The following KLF12 variants were observed in gnomAD, a reference collection of about 807,000 sequenced individuals.
The protein encoded by KLF12 is KLF transcription factor 12.
A neutral mutation model predicts 37.8 loss-of-function variants in KLF12; 9 were observed. The ratio of observed to expected loss-of-function variants is 0.24; its 90% CI spans 0.14 to 0.42. The LOEUF (loss-of-function observed/expected upper bound fraction) is 0.42, where lower values mean the gene tolerates loss of function less well. KLF12 is among the 10% of genes least tolerant of loss of function. The pLI is 1.00. For missense variants in KLF12, 411 were observed against 516.0 expected (o/e 0.80, Z 1.97); for synonymous variants, 208 against 202.1 (o/e 1.03, Z -0.25).
intron 1 of KLF12, among the ~76,000 whole-genome samples, chr13:74,058,139 G>A (rs371658707): frequency 1.3e-5 from 2 of 151,038 alleles, no homozygotes; most frequent in African/African-American, 4.9e-5. Flanking sequence ...GCTAATTTTT[G>A]TATTTTTAGT....
chr13:73,909,509 G>A (rs1159983781), intron 3 of KLF12, among the ~76,000 whole-genome samples: 1 of 152,076 alleles, frequency 6.6e-6, no homozygotes, highest in East Asian at 1.9e-4. Flanking sequence ...TTACTTCAAT[G>A]ATGCTTAATA....
chr13:73,886,992 CA>C (rs35604161), intron 3 of KLF12, among the ~76,000 whole-genome samples: 88,686 of 126,984 alleles, frequency 0.7, 29,819 homozygotes, highest in East Asian at 0.88. Flanking sequence ...AAATCCGTCT[CA>C]AAAAAAAAAA....
At chr13:74,112,769 C>G (rs1366143367) in intron 1 of KLF12, among the ~76,000 whole-genome samples, 1 of 152,042 alleles carries the variant, frequency 6.6e-6, no homozygotes, top group East Asian at 1.9e-4. Context: ...TCTAAGTGTT[C>G]AAGTAAAAGA....
the KLF12 span, among the ~76,000 whole-genome samples, chr13:74,195,144 G>A: frequency 6.6e-6 from 1 of 152,018 alleles, no homozygotes; most frequent in Non-Finnish European, 1.5e-5. Context: ...TTTATTGGCA[G>A]GAATATCTCA....
At chr13:74,243,874 G>C in the KLF12 span, among the ~76,000 whole-genome samples, 2 of 152,300 alleles carry the variant, frequency 1.3e-5, no homozygotes, top group African/African-American at 2.4e-5. Flanking sequence ...AGGCAATGTG[G>C]AGGAGGCCCG....
At chr13:73,783,241 A>G (rs1466315831) in intron 5 of KLF12, among the ~76,000 whole-genome samples, 1 of 152,018 alleles carries the variant, frequency 6.6e-6, no homozygotes, top group Non-Finnish European at 1.5e-5. Context: ...GACAAACATC[A>G]CATGTTCTCA....
intron 6 of KLF12, among the ~76,000 whole-genome samples, chr13:73,723,724 T>C (rs901788480): frequency 2.0e-5 from 3 of 152,104 alleles, no homozygotes; most frequent in African/African-American, 4.8e-5. Context: ...TTGACTACAG[T>C]TAAACTTTAA....
intron 4 of KLF12, among the ~76,000 whole-genome samples, chr13:73,828,691 C>T (rs1462957180): frequency 6.6e-6 from 1 of 152,184 alleles, no homozygotes; most frequent in Admixed American, 6.5e-5. Flanking sequence ...ATCCCATCTA[C>T]TTCCAAGTTT....
At chr13:73,754,111 T>C (rs749372469) in intron 6 of KLF12, among the ~76,000 whole-genome samples, 1 of 152,122 alleles carries the variant, frequency 6.6e-6, no homozygotes, top group Non-Finnish European at 1.5e-5. Context: ...ACCCTTCACA[T>C]AGAATACGAT....
intron 1 of KLF12, among the ~76,000 whole-genome samples, chr13:74,072,240 T>C (rs1485220120): frequency 6.6e-6 from 1 of 151,400 alleles, no homozygotes. Context: ...TAATGGAGTG[T>C]CTGGAATATG....
chr13:73,761,650 C>T (rs972337260), intron 6 of KLF12, among the ~76,000 whole-genome samples: 1 of 152,120 alleles, frequency 6.6e-6, no homozygotes, highest in African/African-American at 2.4e-5. Context: ...TCTAACCACC[C>T]CTCTGGGTTA....
At position 74,031,268 on chromosome 13, in the gene KLF12, T is replaced by C. The variant is rs994490743; in HGVS notation, c.-31-36215A>G. On this transcript the variant is annotated intron_variant, in intron 1 of 7. Transcript: ENST00000377669. ...TAAAATTCATTCATGCAATTTCTTG[T>C]GATTGGATGGCTTCATAAATTAGAT... 6.6e-5 allele frequency among the ~76,000 whole-genome samples: 10 copies of C among 152,290 alleles called. No homozygotes were observed. In the East Asian group the frequency reaches 9.6e-4, roughly 15 times the overall value.
At chr13:73,816,084 C>T (rs936092594) in intron 4 of KLF12, among the ~76,000 whole-genome samples, 4 of 152,168 alleles carry the variant, frequency 2.6e-5, no homozygotes, top group Non-Finnish European at 5.9e-5. Context: ...TTCAGCCAAG[C>T]TGAGGAAGTA....
chr13:74,026,317 C>T (rs1465422694), intron 1 of KLF12, among the ~76,000 whole-genome samples: 1 of 152,126 alleles, frequency 6.6e-6, no homozygotes, highest in Non-Finnish European at 1.5e-5. Flanking sequence ...AAATCAACCT[C>T]TTTTTAGTTG....
chr13:73,780,944 C>G (rs530573019), intron 5 of KLF12, among the ~76,000 whole-genome samples: 27 of 152,328 alleles, frequency 1.8e-4, no homozygotes, highest in Admixed American at 3.9e-4. Context: ...GGGTAAAATG[C>G]TATCAAACAG....
chr13:73,973,641 A>ATATCACAG (rs59407662), intron 2 of KLF12, among the ~76,000 whole-genome samples: 147,653 of 152,056 alleles, frequency 0.97, 71,838 homozygotes, highest in East Asian at 1. Context: ...AACCAACACA[A>ATATCACAG]GACATAGAAC....
chr13:74,117,205 T>C (rs1877358482), intron 1 of KLF12, among the ~76,000 whole-genome samples: 1 of 152,188 alleles, frequency 6.6e-6, no homozygotes, highest in Non-Finnish European at 1.5e-5. Context: ...GATATCATTC[T>C]ACAATGAAAT....
At chr13:73,808,495 T>C (rs1359027014) in intron 5 of KLF12, among the ~76,000 whole-genome samples, 1 of 152,186 alleles carries the variant, frequency 6.6e-6, no homozygotes, top group Non-Finnish European at 1.5e-5. Flanking sequence ...AGATTGCTGT[T>C]GTAGCCACTA....
chr13:74,131,897 G>A (rs1400365128), intron 1 of KLF12, among the ~76,000 whole-genome samples: 2 of 151,838 alleles, frequency 1.3e-5, no homozygotes, highest in African/African-American at 4.8e-5. Flanking sequence ...ACTCAAAGGA[G>A]CTTAATATAT....
Sources: allele counts gnomAD v4.1 joint callset (sites outside exome capture counted in the v4.1 genomes callset), GRCh38; gene constraint gnomAD v4.1.1; transcripts MANE v1.5; gene names NCBI Gene and HGNC (gene_info 2026-07-23, HGNC 2026-07-21).